JARID2: variants seen among roughly 807,000 people sequenced by gnomAD.
JARID2 encodes the protein jumonji and AT-rich interaction domain containing 2, also known as protein Jumonji.
JARID2 carries 21 observed loss-of-function variants against 125.6 expected under a neutral mutation model. That is an observed-to-expected ratio of 0.17 (90% CI 0.12 to 0.24). The LOEUF (loss-of-function observed/expected upper bound fraction) is 0.24, where lower values mean the gene tolerates loss of function less well. Ranked by LOEUF, JARID2 falls within the 10% of genes least tolerant of loss-of-function variation. JARID2 has a pLI of 1.00. For synonymous variants in JARID2, 736 were observed against 661.6 expected (o/e 1.11, Z -1.73); for missense variants, 1,303 against 1,639.6 (o/e 0.79, Z 3.55).
At chr6:15,390,565 CTG>C (rs1364977355) in intron 2 of JARID2, among the ~76,000 whole-genome samples, 1 of 152,182 alleles carries the variant, frequency 6.6e-6, no homozygotes. Context: ...CTTAGCCCCT[CTG>C]TGAGAAACTC....
At chr6:15,273,707 A>G (rs1760388185) in intron 1 of JARID2, among the ~76,000 whole-genome samples, 1 of 149,708 alleles carries the variant, frequency 6.7e-6, no homozygotes, top group African/African-American at 2.6e-5. Flanking sequence ...GTCTCAAAAA[A>G]CAAACAAACA....
chr6:15,379,097 C>T (rs952833838), intron 2 of JARID2, among the ~76,000 whole-genome samples: 5 of 151,788 alleles, frequency 3.3e-5, no homozygotes, highest in Non-Finnish European at 5.9e-5. Context: ...GGAGACACGT[C>T]GTTTTTCATG....
intron 16 of JARID2, among the ~76,000 whole-genome samples, chr6:15,514,056 G>C (rs1258264129): frequency 6.6e-6 from 1 of 152,146 alleles, no homozygotes; most frequent in Non-Finnish European, 1.5e-5. Context: ...TGGCTTCCTC[G>C]TGCCCACCTG....
chr6:15,468,824 G>A (rs1768875255), intron 5 of JARID2, 106 bp downstream of exon 5: 1 of 1,107,160 alleles, frequency 9.0e-7, no homozygotes, highest in Admixed American at 2.6e-5. Flanking sequence ...AGCTCGTTCT[G>A]GGTACTTCTC....
chr6:15,275,533 G>GCCCCCCCCGC, intron 1 of JARID2, among the ~76,000 whole-genome samples: 1 of 18,710 alleles, frequency 5.3e-5, no homozygotes, highest in Non-Finnish European at 9.1e-5. Context: ...CGCCCCCCCC[G>GCCCCCCCCGC]CCCCCCCCCC....
intron 3 of JARID2, among the ~76,000 whole-genome samples, chr6:15,443,513 T>C (rs1767534172): frequency 6.6e-6 from 1 of 152,208 alleles, no homozygotes; most frequent in South Asian, 2.1e-4. Flanking sequence ...TAGGTGGTAG[T>C]ACTAGCACTT....
At chr6:15,393,331 GTTC>G (rs2127544266) in intron 2 of JARID2, among the ~76,000 whole-genome samples, 1 of 152,332 alleles carries the variant, frequency 6.6e-6, no homozygotes, top group African/African-American at 2.4e-5. Context: ...TTATTGCTGA[GTTC>G]AAAATTATCT....
intron 1 of JARID2, among the ~76,000 whole-genome samples, chr6:15,287,722 AC>A (rs1761056585): frequency 6.6e-6 from 1 of 152,052 alleles, no homozygotes; most frequent in African/African-American, 2.4e-5. Flanking sequence ...GGGGAGTCTT[AC>A]CTTGGCCTTA....
At chr6:15,440,314 T>C (rs1390302293) in intron 3 of JARID2, among the ~76,000 whole-genome samples, 1 of 152,224 alleles carries the variant, frequency 6.6e-6, no homozygotes, top group Non-Finnish European at 1.5e-5. Flanking sequence ...AGGACTTTCA[T>C]GTTGTACTGA....
At chr6:15,367,691 G>A (rs1273415266) in intron 1 of JARID2, among the ~76,000 whole-genome samples, 7 of 152,126 alleles carry the variant, frequency 4.6e-5, no homozygotes. Flanking sequence ...CCATACCTTT[G>A]ACTCTAAAGG....
rs116704789 is a variant in JARID2, at chr6:15,503,422, C to T, written c.2449-1078C>T. Among the ~76,000 whole-genome samples the T allele has an allele frequency of 2.8e-3, 433 of 152,344 alleles. 1 individual carries two copies. The highest frequency in any genetic ancestry group is 9.6e-3 in the African/African-American group (399 of 41,574). On this transcript the variant is annotated intron_variant, in intron 8 of 17. Transcript: ENST00000341776. ...CAAGCCAATGTCTCCATGCCGACTA[C>T]GACTGTGGACCCAATGGCAGAAAGC...
At chr6:15,499,260 C>G (rs1352037455) in intron 7 of JARID2, among the ~76,000 whole-genome samples, 1 of 152,188 alleles carries the variant, frequency 6.6e-6, no homozygotes, top group Non-Finnish European at 1.5e-5. Context: ...AGCAGATGTG[C>G]CTTCTGCCTC....
At chr6:15,495,396 G>A (rs1455048644) in intron 6 of JARID2, among the ~76,000 whole-genome samples, 1 of 152,156 alleles carries the variant, frequency 6.6e-6, no homozygotes, top group African/African-American at 2.4e-5. Context: ...GTGTGCAGAC[G>A]AGGGTTGGCA....
intron 2 of JARID2, among the ~76,000 whole-genome samples, chr6:15,377,416 A>G (rs1393284166): frequency 2.0e-5 from 3 of 152,176 alleles, no homozygotes; most frequent in South Asian, 2.1e-4. Flanking sequence ...GCTGGGAGAT[A>G]CAATTCAAGT....
chr6:15,314,051 C>T (rs1762103234), intron 1 of JARID2, among the ~76,000 whole-genome samples: 1 of 152,138 alleles, frequency 6.6e-6, no homozygotes, highest in Non-Finnish European at 1.5e-5. Flanking sequence ...GATGTTGAGT[C>T]CTTCCAATTC....
intron 7 of JARID2, among the ~76,000 whole-genome samples, chr6:15,497,614 G>A (rs551969686): frequency 2.0e-5 from 3 of 147,310 alleles, no homozygotes; most frequent in Admixed American, 6.9e-5. Flanking sequence ...TCACACCACT[G>A]CACTCCAGCC....
chr6:15,392,689 T>TG, intron 2 of JARID2, among the ~76,000 whole-genome samples: 2 of 151,058 alleles, frequency 1.3e-5, no homozygotes, highest in Non-Finnish European at 2.9e-5. Flanking sequence ...ACTTTTTTTT[T>TG]TTTTTTTTTT....
chr6:15,476,157 A>G (rs1310506803), intron 5 of JARID2, among the ~76,000 whole-genome samples: 1 of 152,228 alleles, frequency 6.6e-6, no homozygotes. Context: ...CACAGAAAAC[A>G]AAAGTATGGA....
intron 3 of JARID2, 51 bp from the exon 4 acceptor site, chr6:15,451,955 T>C (rs369969299): frequency 6.3e-7 from 1 of 1,581,176 alleles, no homozygotes; most frequent in African/African-American, 1.4e-5. Context: ...CGTAGGCCTA[T>C]ATCCTCCAGT....
Sources: allele counts gnomAD v4.1 joint callset (sites outside exome capture counted in the v4.1 genomes callset), GRCh38; gene constraint gnomAD v4.1.1; transcripts MANE v1.5; gene names NCBI Gene and HGNC (gene_info 2026-07-23, HGNC 2026-07-21).